OCA2: variants seen among roughly 807,000 people sequenced by gnomAD.
OCA2 encodes OCA2 melanosomal transmembrane protein.
A neutral mutation model predicts 100.2 loss-of-function variants in OCA2; 77 were observed. The ratio of observed to expected loss-of-function variants is 0.77; its 90% CI spans 0.64 to 0.93. OCA2 has a LOEUF of 0.93. Ranked by LOEUF, OCA2 falls within the 40% of genes least tolerant of loss-of-function variation. OCA2 has a pLI of 0.00. For missense variants in OCA2, 1,062 were observed against 1,089.1 expected (o/e 0.98, Z 0.35); for synonymous variants, 432 against 439.2 (o/e 0.98, Z 0.21).
At chr15:27,837,268 T>C (rs984016316) in intron 23 of OCA2, among the ~76,000 whole-genome samples, 1 of 151,988 alleles carries the variant, frequency 6.6e-6, no homozygotes, top group Non-Finnish European at 1.5e-5. Flanking sequence ...AAAGAACGAG[T>C]TCTGGACTGT....
At chr15:27,753,669 G>A (rs1038212732), downstream of OCA2, among the ~76,000 whole-genome samples, 5 of 151,902 alleles carry the variant, frequency 3.3e-5, no homozygotes, top group African/African-American at 7.3e-5. Context: ...CCCGGGAGGC[G>A]GAGCTGGCAG....
chr15:27,999,278 G>A (rs539185337), intron 9 of OCA2, among the ~76,000 whole-genome samples: 62 of 152,168 alleles, frequency 4.1e-4, no homozygotes, highest in African/African-American at 1.4e-3. Context: ...GATTAAGTAG[G>A]AATTATTCCC....
chr15:27,793,145 A>C (rs902319607), intron 23 of OCA2, among the ~76,000 whole-genome samples: 3 of 152,244 alleles, frequency 2.0e-5, no homozygotes, highest in African/African-American at 7.2e-5. Flanking sequence ...ATGCAGCCAC[A>C]GATCAATGGG....
chr15:27,996,332 C>T (rs2041726588), intron 9 of OCA2, among the ~76,000 whole-genome samples: 1 of 151,914 alleles, frequency 6.6e-6, no homozygotes, highest in African/African-American at 2.4e-5. Context: ...CCACATTGTG[C>T]CCCATACATA....
chr15:27,985,295 C>T lies in OCA2; in HGVS notation c.1240-107G>A, dbSNP rs1366177739. ...AGAACAGGGAGCCAAACTAACATTA[C>T]CCCATGGGTTAAGACATAGACCCAC... On this transcript the variant is annotated intron_variant, in intron 12 of 23. Transcript: ENST00000354638. 8 of 1,348,548 alleles carry T rather than the reference C, an allele frequency of 5.9e-6. No homozygotes were observed. The African/African-American group carries it at 1.0e-4, about 17-fold the overall frequency. 83.5% of individuals were successfully genotyped at this position (1,348,548 alleles called of 1,614,324 possible). A position where few individuals can be genotyped will look rare whatever the true frequency, so the allele number is the denominator to read the frequency against.
At chr15:28,037,379 T>G (rs141753817) in intron 2 of OCA2, among the ~76,000 whole-genome samples, 1 of 152,174 alleles carries the variant, frequency 6.6e-6, no homozygotes, top group Non-Finnish European at 1.5e-5. Flanking sequence ...AGCTGAGCAA[T>G]GAGGCCTTCT....
intron 23 of OCA2, among the ~76,000 whole-genome samples, chr15:27,775,973 T>C (rs563716620): frequency 6.6e-6 from 1 of 152,234 alleles, no homozygotes; most frequent in Non-Finnish European, 1.5e-5. Flanking sequence ...CATAGCAATG[T>C]CCAGCACCAA....
At chr15:28,033,565 G>GCGT (rs2042968060) in intron 2 of OCA2, among the ~76,000 whole-genome samples, 1 of 152,154 alleles carries the variant, frequency 6.6e-6, no homozygotes, top group South Asian at 2.1e-4. Context: ...TATCCGCTGG[G>GCGT]CGTCATCTCT....
chr15:27,769,311 G>A (rs1428800579), intron 23 of OCA2, among the ~76,000 whole-genome samples: 1 of 152,174 alleles, frequency 6.6e-6, no homozygotes, highest in Non-Finnish European at 1.5e-5. Flanking sequence ...TGTTACACGC[G>A]TTTAGTTTTA....
chr15:27,984,532 G>C (rs2041278533), intron 13 of OCA2, among the ~76,000 whole-genome samples: 1 of 152,120 alleles, frequency 6.6e-6, no homozygotes, highest in South Asian at 2.1e-4. Context: ...TGGGCACCTG[G>C]TGGTCTGGGG....
intron 19 of OCA2, among the ~76,000 whole-genome samples, chr15:27,903,183 T>TCGCCGG (rs1346579153): frequency 6.6e-6 from 1 of 152,212 alleles, no homozygotes; most frequent in African/African-American, 2.4e-5. Context: ...CACCTTTGTG[T>TCGCCGG]CGCCGGCGCC....
chr15:27,799,646 G>A (rs888791310), intron 23 of OCA2, among the ~76,000 whole-genome samples: 12 of 151,974 alleles, frequency 7.9e-5, no homozygotes, highest in Non-Finnish European at 1.3e-4. Context: ...TCAGGAGGCA[G>A]AGACAGGAGA....
chr15:27,810,051 GAACA>G (rs1350718325), intron 23 of OCA2, among the ~76,000 whole-genome samples: 2 of 152,128 alleles, frequency 1.3e-5, no homozygotes, highest in Non-Finnish European at 2.9e-5. Flanking sequence ...AAAAGGGCCT[GAACA>G]GACAAAGCAA....
At chr15:28,016,027 T>C in intron 8 of OCA2, 77 bp downstream of exon 8, 1 of 1,121,042 alleles carries the variant, frequency 8.9e-7, no homozygotes. Flanking sequence ...CCGAAATCAG[T>C]GTCCTATAGG....
intron 23 of OCA2, among the ~76,000 whole-genome samples, chr15:27,804,275 G>A (rs901156240): frequency 6.6e-6 from 1 of 152,192 alleles, no homozygotes; most frequent in African/African-American, 2.4e-5. Flanking sequence ...CTACTATGAA[G>A]TGCCTTGAAA....
intron 9 of OCA2, among the ~76,000 whole-genome samples, chr15:27,994,237 C>T (rs1054693345): frequency 3.9e-5 from 6 of 151,968 alleles, no homozygotes; most frequent in East Asian, 1.9e-4. Context: ...CTGTGAACTG[C>T]GCATGTGAGG....
chr15:27,814,616 G>A (rs1403718765), intron 23 of OCA2, among the ~76,000 whole-genome samples: 2 of 152,132 alleles, frequency 1.3e-5, no homozygotes, highest in South Asian at 2.1e-4. Flanking sequence ...CGTGGCTCAC[G>A]CCTGAAATCC....
the OCA2 span, among the ~76,000 whole-genome samples, chr15:27,731,447 G>A: frequency 1.3e-5 from 2 of 152,150 alleles, no homozygotes; most frequent in Non-Finnish European, 2.9e-5. Context: ...TTGTTTTGTG[G>A]CAGTTGTAGA....
At chr15:27,941,438 T>G (rs1225730308) in intron 18 of OCA2, among the ~76,000 whole-genome samples, 1 of 152,210 alleles carries the variant, frequency 6.6e-6, no homozygotes, top group Non-Finnish European at 1.5e-5. Flanking sequence ...TGCAGACCTA[T>G]GTGATCCAAG....
Sources: gnomAD v4.1 joint callset for allele counts (sites outside exome capture counted in the v4.1 genomes callset) on GRCh38, gnomAD v4.1.1 for gene constraint, MANE v1.5 for transcripts, NCBI Gene and HGNC (gene_info 2026-07-23, HGNC 2026-07-21) for gene names.